Variants in KCNT1 observed in about 807,000 individuals in gnomAD.
KCNT1 encodes potassium sodium-activated channel subfamily T member 1.
KCNT1 carries 78 observed loss-of-function variants against 147.8 expected under a neutral mutation model. That is an observed-to-expected ratio of 0.53 (90% CI 0.44 to 0.64). KCNT1 has a LOEUF of 0.64. Ranked by LOEUF, KCNT1 falls within the 30% of genes least tolerant of loss-of-function variation. The pLI, the probability that KCNT1 is intolerant of heterozygous loss-of-function variation, is 0.00. For missense variants in KCNT1, 1,419 were observed against 1,750.3 expected, an observed-to-expected ratio of 0.81 and a Z score of 3.38; for synonymous variants, 867 against 748.8, an observed-to-expected ratio of 1.16 and a Z score of -2.58.
intron 2 of KCNT1, among the ~76,000 whole-genome samples, chr9:135,722,084 C>T (rs1208064749): frequency 2.0e-5 from 3 of 152,160 alleles, no homozygotes; most frequent in East Asian, 3.9e-4. Flanking sequence ...CACATGTGAA[C>T]GGTGTCTTGT....
chr9:135,787,210 G>A lies in KCNT1; in HGVS notation c.3502+689G>A, dbSNP rs545672018. Among the ~76,000 whole-genome samples, 98 of 152,338 alleles carry A rather than the reference G, an allele frequency of 6.4e-4. 1 individual carries two copies. Among genetic ancestry groups the A allele is most frequent in the South Asian group, 3.1e-3 (15 of 4,824 alleles). On this transcript the variant is annotated intron_variant, in intron 29 of 30. Coordinates refer to ENST00000371757, the MANE Select transcript of KCNT1 (RefSeq NM_020822.3). ...TGCCGCTTCAGGGAGCCCGGCGTCC[G>A]TCTTCAGCAACAGATCCGTGCAGCC...
At chr9:135,726,951 CCCATTCTCCCTCTCCCTCTCTT>C (rs1836190171) in intron 2 of KCNT1, among the ~76,000 whole-genome samples, 1 of 6,654 alleles carries the variant, frequency 1.5e-4, no homozygotes, top group Non-Finnish European at 3.4e-4. Flanking sequence ...CCCTCTCTTT[CCCATTCTCCCTCTCCCTCTCTT>C]TCCCATTCTC....
intron 2 of KCNT1, among the ~76,000 whole-genome samples, chr9:135,748,321 C>T (rs7849042): frequency 6.6e-6 from 1 of 151,798 alleles, no homozygotes; most frequent in East Asian, 1.9e-4. Context: ...CCCCTCCCGC[C>T]CGCCCCACAG....
chr9:135,727,950 C>T (rs1225053203), intron 2 of KCNT1, among the ~76,000 whole-genome samples: 1 of 152,226 alleles, frequency 6.6e-6, no homozygotes, highest in East Asian at 1.9e-4. Flanking sequence ...TGGCCCAAAA[C>T]GCAGTCACAA....
At chr9:135,743,463 C>T (rs963672708) in intron 2 of KCNT1, among the ~76,000 whole-genome samples, 2 of 152,114 alleles carry the variant, frequency 1.3e-5, no homozygotes, top group African/African-American at 4.8e-5. Flanking sequence ...TGTTGAGCAT[C>T]CAGGGGCTGC....
intron 21 of KCNT1, 120 bp downstream of exon 21, chr9:135,777,630 G>A (rs1025846895): frequency 3.3e-6 from 3 of 916,410 alleles, no homozygotes; most frequent in Non-Finnish European, 4.9e-6. Flanking sequence ...TGGGGCCTCT[G>A]GCCTGGTCCT....
At chr9:135,721,048 G>A (rs115495806) in intron 2 of KCNT1, among the ~76,000 whole-genome samples, 341 of 152,348 alleles carry the variant, frequency 2.2e-3, no homozygotes, top group African/African-American at 7.9e-3. Flanking sequence ...GTGAAGGTTC[G>A]AGGAGGAGTC....
At chr9:135,786,591 A>C (rs1834071045) in intron 29 of KCNT1, 70 bp downstream of exon 29, 1 of 1,420,624 alleles carries the variant, frequency 7.0e-7, no homozygotes, top group Non-Finnish European at 9.3e-7. Context: ...AGCCAAGAAC[A>C]GTCGGCCACG....
At chr9:135,724,880 C>T (rs1386870012) in intron 2 of KCNT1, among the ~76,000 whole-genome samples, 1 of 152,248 alleles carries the variant, frequency 6.6e-6, no homozygotes, top group Non-Finnish European at 1.5e-5. Context: ...ATGGGCCCCC[C>T]ACCACTGGCT....
chr9:135,771,342 C>T (rs886105528), intron 18 of KCNT1, among the ~76,000 whole-genome samples: 4 of 152,196 alleles, frequency 2.6e-5, no homozygotes, highest in African/African-American at 9.6e-5. Flanking sequence ...AATGTGGCCC[C>T]CAGACCCAGT....
rs1042143303 is a variant in KCNT1 at position 135,761,967 on chromosome 9, A to C, written c.1035+2108A>C. 2.0e-5 allele frequency among the ~76,000 whole-genome samples: 3 copies of C among 152,214 alleles called. No individual in the cohort carries two copies. The East Asian group carries it at 5.8e-4, about 29-fold the overall frequency. On this transcript the variant is annotated intron_variant, in intron 11 of 30. Coordinates refer to ENST00000371757, the MANE Select transcript of KCNT1 (RefSeq NM_020822.3). ...CAGGGTCGCTTTCAAATAAAGCAGGAGCGAAGCGCTCTCTCCCGTGCTTCT... is the reference window on the plus strand; with the variant it reads ...CAGGGTCGCTTTCAAATAAAGCAGGCGCGAAGCGCTCTCTCCCGTGCTTCT...
At position 135,747,388 on chromosome 9, in the gene KCNT1, G is replaced by A. The variant is rs553206465; in HGVS notation, c.255-2710G>A. Among the ~76,000 whole-genome samples the A allele has an allele frequency of 1.1e-4, 17 of 152,186 alleles. 1 individual carries two copies. The South Asian group carries it at 2.7e-3, about 24-fold the overall frequency. ...CCTAAGCTCCATGCTTTTAGGGCCC[G>A]GTGGTCCCTGGGTACCGCCGGCAGT... On this transcript the variant is annotated intron_variant, in intron 2 of 30. Transcript: ENST00000371757.
intron 13 of KCNT1, chr9:135,766,812 G>A (rs1832320340): frequency 6.6e-6 from 1 of 152,254 alleles, no homozygotes; most frequent in South Asian, 2.1e-4. Flanking sequence ...TTTTCAGGGT[G>A]AGGGGCAGCC....
intron 2 of KCNT1, among the ~76,000 whole-genome samples, chr9:135,731,679 G>A (rs1050715500): frequency 2.0e-5 from 3 of 151,930 alleles, no homozygotes; most frequent in African/African-American, 7.3e-5. Flanking sequence ...AATAGTCCTA[G>A]ACCTCATTTT....
intron 2 of KCNT1, among the ~76,000 whole-genome samples, chr9:135,732,024 A>AGAGAGAGAGAGAGAGAGGGAGG (rs1554766182): frequency 2.9e-4 from 19 of 65,108 alleles, no homozygotes; most frequent in South Asian, 1.4e-3. Flanking sequence ...AGAGAGAGAG[A>AGAGAGAGAGAGAGAGAGGGAGG]GAGAGAGAGA....
At position 135,758,449 on chromosome 9, in the gene KCNT1, A is replaced by G; in HGVS notation, c.795A>G (p.Ser265=). The G allele has an allele frequency of 6.2e-7, 1 of 1,613,698 alleles. No homozygotes were observed. The highest frequency in any genetic ancestry group is 8.5e-7 in the Non-Finnish European group (1 of 1,179,996). The change falls in exon 10 of 31, where the codon TCA becomes TCG. Residue 265 remains serine, a synonymous_variant. Coordinates refer to ENST00000371757, the MANE Select transcript of KCNT1 (RefSeq NM_020822.3). ...DFHRAILRTQ[S]AMFNQVLILF... ...ACCGTGCCATCCTGCGGACACAGTC[A>G]GCCATGTTCAACCAGGTCCTCATCC...
chr9:135,728,399 C>T, intron 2 of KCNT1, among the ~76,000 whole-genome samples: 1 of 152,228 alleles, frequency 6.6e-6, no homozygotes, highest in Non-Finnish European at 1.5e-5. Context: ...CAGAAAAGAG[C>T]CAGCGGCCAA....
In KCNT1 at chr9:135,794,275, G is replaced by C. The variant is rs1166060210; in HGVS notation, c.*2114G>C. 1 of 152,280 alleles carries C rather than the reference G, an allele frequency of 6.6e-6. No individual in the cohort carries two copies. The highest frequency in any genetic ancestry group is 1.5e-5 in the Non-Finnish European group (1 of 68,072). 9.4% of individuals were successfully genotyped at this position (152,280 alleles called of 1,614,324 possible). On this transcript the variant is annotated 3_prime_UTR_variant, in exon 31 of 31. Coordinates refer to ENST00000371757, the MANE Select transcript of KCNT1 (RefSeq NM_020822.3). ...CCCTGTGGCCACTCCACCACCATGAGGCCGGGAGGCATCTTAGCCTTTGAG... is the reference window on the plus strand; with the variant it reads ...CCCTGTGGCCACTCCACCACCATGACGCCGGGAGGCATCTTAGCCTTTGAG...
At position 135,770,028 on chromosome 9, in the gene KCNT1, C is replaced by T. The variant is rs867265348; in HGVS notation, c.1592C>T (p.Thr531Ile). Residue 531 changes from threonine to isoleucine, a missense_variant, in exon 16 of 31, where the codon ACC becomes ATC. Transcript: ENST00000371757. The part of the protein sequence containing the change: ...CICPATSTLI[T>I]LLVHTSRGQE... ...TGCCCGGCGACCTCCACCCTCATCACCCTGCTGGTGCACACGTCCCGCGGC... is the reference window on the plus strand; with the variant it reads ...TGCCCGGCGACCTCCACCCTCATCATCCTGCTGGTGCACACGTCCCGCGGC... 1.3e-6 allele frequency: 2 copies of T among 1,553,654 alleles called. No homozygotes were observed. Among genetic ancestry groups the T allele is most frequent in the Non-Finnish European group, 1.7e-6 (2 of 1,148,900 alleles).
Sources: allele counts gnomAD v4.1 joint callset (sites outside exome capture counted in the v4.1 genomes callset), GRCh38; gene constraint gnomAD v4.1.1; transcripts MANE v1.5; gene names NCBI Gene and HGNC (gene_info 2026-07-23, HGNC 2026-07-21).